ZDHHC17: variants seen among roughly 807,000 people sequenced by gnomAD.
The protein encoded by ZDHHC17 is zDHHC palmitoyltransferase 17.
A neutral mutation model predicts 90.3 loss-of-function variants in ZDHHC17; 40 were observed. The ratio of observed to expected loss-of-function variants is 0.44; its 90% CI spans 0.34 to 0.58. The LOEUF is 0.58. ZDHHC17 is among the 20% of genes least tolerant of loss of function. The pLI is 0.01. For missense variants in ZDHHC17, 614 were observed against 780.8 expected (o/e 0.79, Z 2.55); for synonymous variants, 235 against 252.4 (o/e 0.93, Z 0.65).
chr12:76,770,322 A>G (rs1379719000), intron 1 of ZDHHC17, among the ~76,000 whole-genome samples: 2 of 152,220 alleles, frequency 1.3e-5, no homozygotes, highest in Non-Finnish European at 2.9e-5. Context: ...GAAGATGGGC[A>G]GAGGACTTCT....
chr12:76,845,966 GA>G (rs1299867497), intron 13 of ZDHHC17, among the ~76,000 whole-genome samples, 164 bp downstream of exon 13: 4 of 151,978 alleles, frequency 2.6e-5, no homozygotes, highest in African/African-American at 7.3e-5. Context: ...GAGAGGGAGG[GA>G]AAAAAATTAC....
chr12:76,790,801 G>C (rs1163971892), intron 1 of ZDHHC17, among the ~76,000 whole-genome samples: 1 of 152,218 alleles, frequency 6.6e-6, no homozygotes, highest in Non-Finnish European at 1.5e-5. Context: ...GAGTAGAATA[G>C]TGGTTACTAG....
intron 10 of ZDHHC17, among the ~76,000 whole-genome samples, chr12:76,828,769 T>C (rs987340835): frequency 3.9e-5 from 6 of 152,186 alleles, no homozygotes; most frequent in African/African-American, 1.2e-4. Context: ...ATTTCATAAA[T>C]TAGTATTGTT....
At position 76,764,191 on chromosome 12, in the gene ZDHHC17, C is replaced by T. The variant is rs998824627; in HGVS notation, c.-46C>T. ...GGCTCGCGCTCGCCCCGCGCTCGCC[C>T]TCCGCCTCGCCCGAGCCCCGGGAGG... On this transcript the variant is annotated 5_prime_UTR_variant, in exon 1 of 17. Transcript: ENST00000426126. 2.0e-6 allele frequency: 3 copies of T among 1,484,986 alleles called. No individual in the cohort carries two copies. Among genetic ancestry groups the T allele is most frequent in the East Asian group, 2.6e-5 (1 of 38,834 alleles). The allele number at this position is 1,484,986 out of a possible 1,614,324, so 92.0% of individuals were successfully genotyped here. A position where few individuals can be genotyped will look rare whatever the true frequency, so the allele number is the denominator to read the frequency against.
In ZDHHC17 at chr12:76,822,646, T is replaced by A. The variant is rs2137779064; in HGVS notation, c.897+115T>A. 7.5e-6 allele frequency: 6 copies of A among 796,570 alleles called. No homozygotes were observed. The Middle Eastern group carries it at 1.6e-3, about 209-fold the overall frequency. 49.3% of individuals were successfully genotyped at this position (796,570 alleles called of 1,614,324 possible). A position where few individuals can be genotyped will look rare whatever the true frequency, so the allele number is the denominator to read the frequency against. On this transcript the variant is annotated intron_variant, in intron 8 of 16. Coordinates refer to ENST00000426126, the MANE Select transcript of ZDHHC17 (RefSeq NM_015336.4). ...TTTGGCTCACTGCAATCCCTGCCTCTCGGTTTAAAGTGATTCTTGTGCCTC... is the reference window on the plus strand; with the variant it reads ...TTTGGCTCACTGCAATCCCTGCCTCACGGTTTAAAGTGATTCTTGTGCCTC...
chr12:76,849,334 A>AT (rs1428984698), intron 15 of ZDHHC17, 42 bp from the exon 16 acceptor site: 5 of 1,102,384 alleles, frequency 4.5e-6, no homozygotes, highest in Non-Finnish European at 6.4e-6. Flanking sequence ...AAAAAAAAAA[A>AT]AAAAAAACAA....
At chr12:76,772,023 C>T (rs1375877557) in intron 1 of ZDHHC17, among the ~76,000 whole-genome samples, 2 of 152,136 alleles carry the variant, frequency 1.3e-5, no homozygotes, top group South Asian at 2.1e-4. Context: ...TCCATGTAGC[C>T]GGGACATAGA....
intron 1 of ZDHHC17, chr12:76,764,672 G>A: frequency 1.9e-6 from 1 of 514,458 alleles, no homozygotes; most frequent in Non-Finnish European, 3.8e-6. Context: ...CCCTAGTCTT[G>A]CTCCAAGCCT....
intron 5 of ZDHHC17, among the ~76,000 whole-genome samples, 192 bp downstream of exon 5, chr12:76,810,049 A>G (rs1227684745): frequency 6.6e-6 from 1 of 152,188 alleles, no homozygotes; most frequent in African/African-American, 2.4e-5. Flanking sequence ...AAAATCATGA[A>G]CCAGATAATG....
Position 76,849,446 on chromosome 12 carries a change from C to G in ZDHHC17, c.1736C>G (p.Thr579Arg). Residue 579 changes from threonine to arginine, a missense_variant, in exon 16 of 17, where the codon ACA (threonine) becomes AGA (arginine). Physicochemically the swap from Thr to Arg is moderately conservative, Grantham distance 71. Around this residue, in one of 5 missense-constraint regions of ZDHHC17, gnomAD observed 111 missense variants for 179.8 expected, o/e 0.62. Transcript: ENST00000426126. ...ARRYKHFKVT[T>R]TSIESPFNHG... Reference sequence around the variant, plus strand: ...AGATACAAGCACTTTAAAGTCACAACAACGTCTATTGAAAGCCCATTCAAG... The same window carrying G: ...AGATACAAGCACTTTAAAGTCACAAGAACGTCTATTGAAAGCCCATTCAAG... 2 of 1,548,994 alleles carry G rather than the reference C, an allele frequency of 1.3e-6. No individual in the cohort carries two copies. Among genetic ancestry groups the G allele is most frequent in the Non-Finnish European group, 1.7e-6 (2 of 1,145,548 alleles).
chr12:76,789,743 G>A (rs1274675014), intron 1 of ZDHHC17, among the ~76,000 whole-genome samples: 11 of 152,194 alleles, frequency 7.2e-5, no homozygotes, highest in East Asian at 1.9e-4. Flanking sequence ...AACAATAGTT[G>A]CCCTTTAAAA....
rs576406715 is a variant in ZDHHC17, at chr12:76,816,033, A to T, written c.771+14A>T. 6.0e-6 allele frequency: 9 copies of T among 1,501,870 alleles called. No individual in the cohort carries two copies. The East Asian group carries it at 2.2e-4, about 37-fold the overall frequency. 93.0% of individuals were successfully genotyped at this position (1,501,870 alleles called of 1,614,324 possible). A position where few individuals can be genotyped will look rare whatever the true frequency, so the allele number is the denominator to read the frequency against. On this transcript the variant is annotated intron_variant, in intron 7 of 16. Transcript: ENST00000426126. ...CAGAATATCAAGGTAAAAATATTCT[A>T]TATTGATAATACTGTATGAAATGTG...
intron 1 of ZDHHC17, among the ~76,000 whole-genome samples, chr12:76,783,096 A>C (rs1264980756): frequency 6.6e-6 from 1 of 152,214 alleles, no homozygotes; most frequent in African/African-American, 2.4e-5. Context: ...TTGGTCAAGT[A>C]GAAAGTTAGT....
chr12:76,831,313 GTTTTTA>G (rs1953298079), intron 10 of ZDHHC17, among the ~76,000 whole-genome samples: 3 of 151,102 alleles, frequency 2.0e-5, no homozygotes, highest in Admixed American at 2.0e-4. Context: ...ATTTTTTTTT[GTTTTTA>G]TTGTCTGTTT....
intron 5 of ZDHHC17, 96 bp downstream of exon 5, chr12:76,809,953 A>G: frequency 7.6e-7 from 1 of 1,311,994 alleles, no homozygotes; most frequent in Non-Finnish European, 1.1e-6. Context: ...TTGATATTTA[A>G]ATAGCACTTT....
chr12:76,810,418 T>C (rs1031124690), intron 5 of ZDHHC17, among the ~76,000 whole-genome samples: 6 of 152,172 alleles, frequency 3.9e-5, no homozygotes, highest in Admixed American at 3.3e-4. Flanking sequence ...AAAAGTAATG[T>C]CACCCAGTTT....
intron 10 of ZDHHC17, among the ~76,000 whole-genome samples, chr12:76,835,924 T>C (rs80355350): frequency 1.4e-4 from 13 of 94,298 alleles, no homozygotes; most frequent in Admixed American, 3.1e-4. Context: ...CTACACCCCC[T>C]TTTTTTTAAC....
At chr12:76,850,411 A>G (rs2137811469) in intron 16 of ZDHHC17, among the ~76,000 whole-genome samples, 1 of 152,244 alleles carries the variant, frequency 6.6e-6, no homozygotes, top group South Asian at 2.1e-4. Context: ...CACTAATTAA[A>G]GGTTTTTATC....
intron 1 of ZDHHC17, among the ~76,000 whole-genome samples, chr12:76,771,362 C>A (rs961641455): frequency 6.6e-6 from 1 of 152,062 alleles, no homozygotes; most frequent in African/African-American, 2.4e-5. Context: ...TGTTTCAATT[C>A]CTGTTGCAAA....
Sources: allele counts gnomAD v4.1 joint callset (sites outside exome capture counted in the v4.1 genomes callset), GRCh38; gene constraint gnomAD v4.1.1; regional missense constraint gnomAD v4.1.1; transcripts MANE v1.5; gene names NCBI Gene and HGNC (gene_info 2026-07-23, HGNC 2026-07-21).